The following DUOX1 variants were observed in gnomAD, a reference collection of about 807,000 sequenced individuals.
The protein encoded by DUOX1 is dual oxidase 1.
DUOX1 carries 134 observed loss-of-function variants against 181.8 expected under a neutral mutation model. That is an observed-to-expected ratio of 0.74 (90% CI 0.64 to 0.85). DUOX1 has a LOEUF of 0.85. DUOX1 is among the 40% of genes least tolerant of loss of function. The pLI is 0.00. For synonymous variants in DUOX1, 798 were observed against 832.5 expected (o/e 0.96, Z 0.71); for missense variants, 1,814 against 2,064.4 (o/e 0.88, Z 2.35).
At chr15:45,147,847 C>T in intron 19 of DUOX1, 57 bp from the exon 20 acceptor site, 1 of 1,556,776 alleles carries the variant, frequency 6.4e-7, no homozygotes, top group Non-Finnish European at 8.9e-7. Flanking sequence ...TTTTGGCCAG[C>T]CTGGGGGTTC....
chr15:45,153,486 A>C lies in DUOX1; in HGVS notation c.3524+7A>C. On this transcript the variant is annotated splice_region_variant and intron_variant, in intron 26 of 33. Coordinates refer to ENST00000389037, the MANE Select transcript of DUOX1 (RefSeq NM_175940.3). Reference sequence around the variant, plus strand: ...GCCTCTTCCATGATGATGGGTGAGTAAGTGCGAATGTGTGTGTGTGTGTGT... The same window carrying C: ...GCCTCTTCCATGATGATGGGTGAGTCAGTGCGAATGTGTGTGTGTGTGTGT... 1.3e-6 allele frequency: 2 copies of C among 1,521,508 alleles called. No individual in the cohort carries two copies. Among genetic ancestry groups the C allele is most frequent in the Non-Finnish European group, 1.8e-6 (2 of 1,106,914 alleles). 94.3% of individuals were successfully genotyped at this position (1,521,508 alleles called of 1,614,324 possible). A position where few individuals can be genotyped will look rare whatever the true frequency, so the allele number is the denominator to read the frequency against.
rs746065726 is a variant in DUOX1, at chr15:45,135,509, C to T, written c.531C>T (p.Ala177=). Residue 177 remains alanine (A), a synonymous_variant, in exon 6 of 34, where the codon GCC becomes GCT. Transcript: ENST00000389037. Reference sequence around the variant, plus strand: ...TGACGGGCTGGCTGGACGGCAGCGCCATCTATGGTTCCTCGCATTCCTGGA... The same window carrying T: ...TGACGGGCTGGCTGGACGGCAGCGCTATCTATGGTTCCTCGCATTCCTGGA... ...NQVTGWLDGS[A]IYGSSHSWSD... 1.9e-5 allele frequency: 29 copies of T among 1,558,758 alleles called. No individual in the cohort carries two copies. The highest frequency in any genetic ancestry group is 4.4e-4 in the Middle Eastern group (2 of 4,596).
At chr15:45,150,729 G>T in intron 22 of DUOX1, 28 bp downstream of exon 22, 2 of 1,609,512 alleles carry the variant, frequency 1.2e-6, no homozygotes, top group African/African-American at 2.7e-5. Flanking sequence ...AATGTCGGGG[G>T]GAGGAGTTGG....
At chr15:45,158,559 G>A (rs1253021203) in intron 28 of DUOX1, among the ~76,000 whole-genome samples, 1 of 151,882 alleles carries the variant, frequency 6.6e-6, no homozygotes, top group Non-Finnish European at 1.5e-5. Context: ...AAAATTAGCC[G>A]GGAGTGGTGG....
intron 28 of DUOX1, 147 bp from the exon 29 acceptor site, chr15:45,160,690 G>C: frequency 1.2e-6 from 1 of 865,146 alleles, no homozygotes; most frequent in Non-Finnish European, 1.5e-6. Flanking sequence ...GAATGGTGAG[G>C]TTTTGCAACC....
At chr15:45,155,953 A>G (rs1896960763) in intron 28 of DUOX1, 24 bp downstream of exon 28, 1 of 1,614,136 alleles carries the variant, frequency 6.2e-7, no homozygotes, top group Non-Finnish European at 8.5e-7. Flanking sequence ...GCTGTGAGCC[A>G]GGCCAGGAGG....
chr15:45,153,454 T>C lies in DUOX1; in HGVS notation c.3499T>C (p.Phe1167Leu). 6.2e-7 allele frequency: 1 copy of C among 1,613,752 alleles called. No individual in the cohort carries two copies. Among genetic ancestry groups the C allele is most frequent in the East Asian group, 2.2e-5 (1 of 44,852 alleles). The part of the protein sequence containing the change: ...ISPLSVLSCL[F>L]PGLFHDDGSE... Reference sequence around the variant, plus strand: ...CCCCCTCAGCGTCCTCTCTTGCCTCTTTCCTGGCCTCTTCCATGATGATGG... The same window carrying C: ...CCCCCTCAGCGTCCTCTCTTGCCTCCTTCCTGGCCTCTTCCATGATGATGG... The change falls in exon 26 of 34, where the codon TTT becomes CTT. Residue 1167 changes from phenylalanine to leucine, a missense_variant. Coordinates refer to ENST00000389037, the MANE Select transcript of DUOX1 (RefSeq NM_175940.3).
rs370800897 is a variant in DUOX1 at position 45,143,318 on chromosome 15, G to A, written c.1936+15G>A. Reference sequence around the variant, plus strand: ...AGGCATGGAAGGTAGGTCTAGGGCTGGCCAGGGTGGTGGTAGGGAGGACAT... The same window carrying A: ...AGGCATGGAAGGTAGGTCTAGGGCTAGCCAGGGTGGTGGTAGGGAGGACAT... On this transcript the variant is annotated intron_variant, in intron 16 of 33. Coordinates refer to ENST00000389037, the MANE Select transcript of DUOX1 (RefSeq NM_175940.3). The A allele has an allele frequency of 2.4e-5, 39 of 1,608,036 alleles. No individual in the cohort carries two copies. Among genetic ancestry groups the A allele is most frequent in the Non-Finnish European group, 3.1e-5 (37 of 1,175,068 alleles).
At chr15:45,145,140 C>A in intron 18 of DUOX1, 60 bp downstream of exon 18, 1 of 1,423,984 alleles carries the variant, frequency 7.0e-7, no homozygotes, top group Non-Finnish European at 9.4e-7. Context: ...CTGCATGAGG[C>A]CATGGGGTGA....
chr15:45,137,042 A>G (rs1896337322), intron 9 of DUOX1, among the ~76,000 whole-genome samples: 1 of 152,040 alleles, frequency 6.6e-6, no homozygotes, highest in Non-Finnish European at 1.5e-5. Context: ...CAAAATAATG[A>G]AAAGGGAACT....
intron 25 of DUOX1, 119 bp from the exon 26 acceptor site, chr15:45,153,261 G>A: frequency 1.7e-6 from 1 of 580,868 alleles, no homozygotes; most frequent in Non-Finnish European, 3.1e-6. Context: ...CAGAAGTCGA[G>A]ACTCCTAAGG....
chr15:45,136,706 G>T (rs1896327555), intron 9 of DUOX1, 81 bp downstream of exon 9: 5 of 1,322,614 alleles, frequency 3.8e-6, no homozygotes, highest in Non-Finnish European at 5.4e-6. Context: ...GGAGCCCTCT[G>T]TACAGGATTA....
At position 45,144,981 on chromosome 15, in the gene DUOX1, G is replaced by A; in HGVS notation, c.2223G>A (p.Gln741=). The stretch of plus-strand genomic sequence containing the variant: ...TGAAGGAGAGCGGGTTGAGCATCCA[G>A]GAGTGGGAGCTGCGGGAGCAGGAGC... ...GALKESGLSI[Q]EWELREQELM... is the part of the protein sequence containing the mutation. Residue 741 remains glutamine, a synonymous_variant, in exon 18 of 34, where the codon CAG becomes CAA. Coordinates refer to ENST00000389037, the MANE Select transcript of DUOX1 (RefSeq NM_175940.3). 1.2e-6 allele frequency: 2 copies of A among 1,614,068 alleles called. No homozygotes were observed. The highest frequency in any genetic ancestry group is 1.1e-5 in the South Asian group (1 of 91,076).
intron 28 of DUOX1, among the ~76,000 whole-genome samples, chr15:45,159,639 C>G (rs1897048379): frequency 1.3e-5 from 2 of 152,140 alleles, no homozygotes; most frequent in Admixed American, 1.3e-4. Context: ...AGGACCAGAG[C>G]TGGATGATAC....
At chr15:45,147,833 C>T in intron 19 of DUOX1, 71 bp from the exon 20 acceptor site, 1 of 1,512,444 alleles carries the variant, frequency 6.6e-7, no homozygotes, top group African/African-American at 1.4e-5. Flanking sequence ...TGGTGTGAGG[C>T]CCCTTTTGGC....
At position 45,144,015 on chromosome 15, in the gene DUOX1, G is replaced by A. The variant is rs111715939; in HGVS notation, c.1937-21G>A. The A allele has an allele frequency of 7.9e-4, 1,275 of 1,612,982 alleles. 6 individuals are homozygous for A. The African/African-American group carries it at 0.015, about 19-fold the overall frequency. On this transcript the variant is annotated intron_variant, in intron 16 of 33. Coordinates refer to ENST00000389037, the MANE Select transcript of DUOX1 (RefSeq NM_175940.3). ...CCTCTGATGGGTCCCAGCTGACGAAGCCCTGTCTCTCTCCCCCTAGCTTTG... is the reference window on the plus strand; with the variant it reads ...CCTCTGATGGGTCCCAGCTGACGAAACCCTGTCTCTCTCCCCCTAGCTTTG...
rs960551306 is a variant in DUOX1 at position 45,156,012 on chromosome 15, T to G, written c.3702+83T>G. The G allele has an allele frequency of 2.2e-5, 35 of 1,566,860 alleles. No homozygotes were observed. The Admixed American group carries it at 5.3e-4, about 24-fold the overall frequency. ...AGGCAAGGAGAGCTGGGACATTCAT[T>G]CAATTTCTAGCTATTTGAAGCATCC... On this transcript the variant is annotated intron_variant, in intron 28 of 33. Transcript: ENST00000389037.
rs747113723 is a variant in DUOX1 at position 45,161,839 on chromosome 15, C to G, written c.3958C>G (p.Pro1320Ala). The G allele has an allele frequency of 6.2e-7, 1 of 1,613,994 alleles. No homozygotes were observed. The highest frequency in any genetic ancestry group is 8.5e-7 in the Non-Finnish European group (1 of 1,179,986). The change falls in exon 30 of 34, where the codon CCC (proline) becomes GCC (alanine). Residue 1320 changes from proline to alanine, a missense_variant. Around this residue, in one of 5 missense-constraint regions of DUOX1, gnomAD observed 279 missense variants for 381.9 expected, o/e 0.73. Coordinates refer to ENST00000389037, the MANE Select transcript of DUOX1 (RefSeq NM_175940.3). ...GGCTCTGGGGACCACCGAGTACCAC[C>G]CCTTCACACTGACCTCTGCGCCCCA... is the stretch of plus-strand genomic sequence containing the variant. ...CLALGTTEYHPFTLTSAPHED... is the reference protein window; with the variant it reads ...CLALGTTEYHAFTLTSAPHED...
intron 1 of DUOX1, chr15:45,131,470 G>C (rs1896144100): frequency 6.1e-6 from 1 of 163,766 alleles, no homozygotes; most frequent in Non-Finnish European, 1.3e-5. Flanking sequence ...TGCTCCCATA[G>C]CTGGAAGAGG....
Sources: gnomAD v4.1 joint callset for allele counts (sites outside exome capture counted in the v4.1 genomes callset) on GRCh38, gnomAD v4.1.1 for gene constraint, gnomAD v4.1.1 regional missense constraint, MANE v1.5 for transcripts, NCBI Gene and HGNC (gene_info 2026-07-23, HGNC 2026-07-21) for gene names.